Variants in PAX3 observed in about 807,000 individuals in gnomAD.
PAX3 encodes the protein paired box protein Pax-3.
PAX3 carries 14 observed loss-of-function variants against 51.6 expected under a neutral mutation model. The ratio of observed to expected loss-of-function variants is 0.27; its 90% confidence interval spans 0.18 to 0.42. The LOEUF (loss-of-function observed/expected upper bound fraction) is 0.42. Ranked by LOEUF, PAX3 falls within the 10% of genes least tolerant of loss-of-function variation. The pLI, the probability that PAX3 is intolerant of heterozygous loss-of-function variation, is 1.00. For synonymous variants in PAX3, 280 were observed against 253.4 expected (o/e 1.11, Z -1.00); for missense variants, 540 against 642.8 (o/e 0.84, Z 1.73).
At chr2:222,259,792 G>C (rs1431995514) in intron 4 of PAX3, among the ~76,000 whole-genome samples, 1 of 152,172 alleles carries the variant, frequency 6.6e-6, no homozygotes, top group Non-Finnish European at 1.5e-5. Context: ...TGCCATTTCA[G>C]ATTGTTGTGA....
At chr2:222,219,164 T>TATAATTGAGTATAATTGAGTAC (rs1411728553) in intron 7 of PAX3, among the ~76,000 whole-genome samples, 1 of 152,226 alleles carries the variant, frequency 6.6e-6, no homozygotes, top group Non-Finnish European at 1.5e-5. Flanking sequence ...GATTAGTGTG[T>TATAATTGAGTATAATTGAGTAC]AATTGAGTAT....
At chr2:222,252,119 A>C (rs1174605181) in intron 4 of PAX3, among the ~76,000 whole-genome samples, 2 of 152,202 alleles carry the variant, frequency 1.3e-5, no homozygotes, top group Non-Finnish European at 1.5e-5. Context: ...AATTACACAC[A>C]ATTTTAGTGT....
chr2:222,244,566 G>A (rs1269574055), intron 4 of PAX3, among the ~76,000 whole-genome samples: 1 of 151,952 alleles, frequency 6.6e-6, no homozygotes, highest in Non-Finnish European at 1.5e-5. Flanking sequence ...TAAGGGAATA[G>A]CATGTGAAGA....
At chr2:222,272,048 A>T (rs1694270478) in intron 4 of PAX3, among the ~76,000 whole-genome samples, 1 of 152,200 alleles carries the variant, frequency 6.6e-6, no homozygotes, top group Admixed American at 6.5e-5. Context: ...CACAAAGCTG[A>T]TCGTGTTGCA....
At chr2:222,278,658 T>TG (rs1694519058) in intron 4 of PAX3, among the ~76,000 whole-genome samples, 1 of 152,172 alleles carries the variant, frequency 6.6e-6, no homozygotes, top group South Asian at 2.1e-4. Flanking sequence ...GACAGCTCAA[T>TG]GGGGAATTGT....
chr2:222,252,414 A>T (rs1161078599), intron 4 of PAX3, among the ~76,000 whole-genome samples: 1 of 152,196 alleles, frequency 6.6e-6, no homozygotes, highest in Non-Finnish European at 1.5e-5. Flanking sequence ...TTACAGATTG[A>T]AAAAACGAGG....
chr2:222,285,185 T>C (rs1401975740), intron 4 of PAX3, among the ~76,000 whole-genome samples: 2 of 152,220 alleles, frequency 1.3e-5, no homozygotes. Context: ...ACCGTGTTGA[T>C]TGAGACACAC....
intron 4 of PAX3, among the ~76,000 whole-genome samples, chr2:222,252,362 C>T (rs1235721015): frequency 2.6e-5 from 4 of 152,102 alleles, no homozygotes; most frequent in Non-Finnish European, 1.5e-5. Context: ...ACTTGCTTTC[C>T]CTCATCCAAT....
chr2:222,260,591 GTTTT>G (rs374339768), intron 4 of PAX3, among the ~76,000 whole-genome samples: 2 of 63,072 alleles, frequency 3.2e-5, no homozygotes, highest in African/African-American at 1.3e-4. Flanking sequence ...TTTTTTTTTT[GTTTT>G]TTTTTTTTTT....
chr2:222,229,734 C>T (rs930760499), intron 5 of PAX3, among the ~76,000 whole-genome samples: 1 of 152,190 alleles, frequency 6.6e-6, no homozygotes, highest in Admixed American at 6.5e-5. Flanking sequence ...AACTATTCTC[C>T]CAATATGACT....
intron 4 of PAX3, chr2:222,233,079 C>CAAAAA (rs71053063): frequency 6.3e-4 from 43 of 67,956 alleles, no homozygotes; most frequent in East Asian, 1.7e-3. Context: ...AAAGCCAATG[C>CAAAAA]AAAAAAAAAA....
chr2:222,281,810 A>T (rs1265522642), intron 4 of PAX3, among the ~76,000 whole-genome samples: 5 of 152,066 alleles, frequency 3.3e-5, no homozygotes, highest in Admixed American at 3.3e-4. Context: ...CTTTGTAGAC[A>T]CTCTTAATGC....
intron 7 of PAX3, among the ~76,000 whole-genome samples, chr2:222,207,677 A>T (rs982528366): frequency 6.6e-6 from 1 of 152,174 alleles, no homozygotes; most frequent in African/African-American, 2.4e-5. Flanking sequence ...AATCACAGAG[A>T]TAGCTTATTT....
intron 7 of PAX3, among the ~76,000 whole-genome samples, chr2:222,208,716 G>A (rs1691606805): frequency 6.6e-6 from 1 of 152,158 alleles, no homozygotes; most frequent in African/African-American, 2.4e-5. Flanking sequence ...GAACATGACT[G>A]TGGAAAATCA....
intron 5 of PAX3, among the ~76,000 whole-genome samples, chr2:222,231,574 C>T (rs1692596944): frequency 2.0e-5 from 3 of 152,198 alleles, no homozygotes; most frequent in African/African-American, 4.8e-5. Context: ...ATTGAAAGGT[C>T]ACAGAGATGA....
intron 4 of PAX3, among the ~76,000 whole-genome samples, chr2:222,271,311 T>G (rs1301164224): frequency 1.3e-5 from 2 of 152,202 alleles, no homozygotes; most frequent in African/African-American, 4.8e-5. Context: ...TGGAATAAAC[T>G]TCAAGACCTC....
chr2:222,225,405 A>G (rs1692347646), intron 5 of PAX3, among the ~76,000 whole-genome samples: 2 of 152,340 alleles, frequency 1.3e-5, no homozygotes, highest in South Asian at 4.1e-4. Context: ...TAACATCATG[A>G]TAACTAGGAA....
chr2:222,237,655 A>G, intron 4 of PAX3, among the ~76,000 whole-genome samples: 1 of 152,238 alleles, frequency 6.6e-6, no homozygotes, highest in South Asian at 2.1e-4. Context: ...TATTAAATGG[A>G]TTTAAGAAAT....
At chr2:222,251,429 T>A (rs1454545293) in intron 4 of PAX3, among the ~76,000 whole-genome samples, 1 of 152,216 alleles carries the variant, frequency 6.6e-6, no homozygotes, top group African/African-American at 2.4e-5. Context: ...ACAAAGGACA[T>A]GAACTCATCC....
Sources: gnomAD v4.1 joint callset for allele counts (sites outside exome capture counted in the v4.1 genomes callset) on GRCh38, gnomAD v4.1.1 for gene constraint, MANE v1.5 for transcripts, NCBI Gene and HGNC (gene_info 2026-07-23, HGNC 2026-07-21) for gene names.